OTOG: variants seen among roughly 807,000 people sequenced by gnomAD.
OTOG encodes otogelin.
OTOG carries 296 observed loss-of-function variants against 313.8 expected under a neutral mutation model. The ratio of observed to expected loss-of-function variants is 0.94; its 90% CI spans 0.86 to 1.04. OTOG has a LOEUF of 1.04. OTOG is among the 50% of genes least tolerant of loss of function. OTOG has a pLI of 0.00. For synonymous variants in OTOG, 1,533 were observed against 1,554.9 expected (o/e 0.99, Z 0.33); for missense variants, 3,948 against 3,840.1 (o/e 1.03, Z -0.74).
chr11:17,555,741 C>T, intron 6 of OTOG, 38 bp from the exon 7 acceptor site: 1 of 1,505,308 alleles, frequency 6.6e-7, no homozygotes, highest in East Asian at 2.5e-5. Flanking sequence ...AGGCCTGTGG[C>T]AGGAGCCTGC....
At position 17,642,265 on chromosome 11, in the gene OTOG, A is replaced by G; in HGVS notation, c.8415+19A>G. ...TGCCAAGGTCAGTGCCTCCTTCTCCACTGAGGCTGTAGGCCAGGGGCATCA... is the reference window on the plus strand; with the variant it reads ...TGCCAAGGTCAGTGCCTCCTTCTCCGCTGAGGCTGTAGGCCAGGGGCATCA... On this transcript the variant is annotated intron_variant, in intron 53 of 55. Coordinates refer to ENST00000399397, the MANE Select transcript of OTOG (RefSeq NM_001292063.2). 6.5e-7 allele frequency: 1 copy of G among 1,542,666 alleles called. No homozygotes were observed. The highest frequency in any genetic ancestry group is 8.8e-7 in the Non-Finnish European group (1 of 1,142,160).
In OTOG at chr11:17,593,535, G is replaced by C; in HGVS notation, c.3142-75G>C. ...GAGGGAGGCAGAGGCATTGGTGAGG[G>C]CCTGGCTGCAGGCATAGCTGACCTG... On this transcript the variant is annotated intron_variant, in intron 26 of 55. Transcript: ENST00000399397. 4 of 1,523,724 alleles carry C rather than the reference G, an allele frequency of 2.6e-6. No homozygotes were observed. In the African/African-American group the frequency reaches 5.5e-5, roughly 21 times the overall value. 94.4% of individuals were successfully genotyped at this position (1,523,724 alleles called of 1,614,324 possible).
intron 42 of OTOG, 112 bp downstream of exon 42, chr11:17,632,338 A>C (rs2133704851): frequency 1.8e-6 from 2 of 1,081,870 alleles, no homozygotes; most frequent in East Asian, 5.6e-5. Context: ...AGCTTTAATC[A>C]TTCATGGATT....
chr11:17,631,450 G>A (rs543832145), intron 40 of OTOG, among the ~76,000 whole-genome samples: 12 of 149,194 alleles, frequency 8.0e-5, no homozygotes, highest in Middle Eastern at 3.4e-3. Context: ...TGCATTTTTC[G>A]GAACCATTAG....
intron 20 of OTOG, among the ~76,000 whole-genome samples, chr11:17,575,452 G>T (rs1852502594): frequency 6.6e-6 from 1 of 152,178 alleles, no homozygotes; most frequent in South Asian, 2.1e-4. Context: ...CGGAGGTGAG[G>T]TCTGAGCAGA....
In OTOG at chr11:17,569,334, T is replaced by C. The variant is rs1366773100; in HGVS notation, c.1777+46T>C. ...CAGACCTAGTTGGGAACTGAGGGTT[T>C]GGACCTCTCTTCCCAGGATCCTCTG... On this transcript the variant is annotated intron_variant, in intron 16 of 55. Coordinates refer to ENST00000399397, the MANE Select transcript of OTOG (RefSeq NM_001292063.2). 14 of 1,547,046 alleles carry C rather than the reference T, an allele frequency of 9.0e-6. No homozygotes were observed. In the Admixed American group the frequency reaches 2.7e-4, roughly 30 times the overall value.
At chr11:17,601,146 T>C (rs1853239223) in intron 31 of OTOG, among the ~76,000 whole-genome samples, 1 of 152,208 alleles carries the variant, frequency 6.6e-6, no homozygotes, top group African/African-American at 2.4e-5. Flanking sequence ...CCAGCACTGC[T>C]TGTCTCCCAT....
intron 39 of OTOG, among the ~76,000 whole-genome samples, chr11:17,616,810 C>G (rs1425383547): frequency 6.6e-6 from 1 of 152,162 alleles, no homozygotes; most frequent in Non-Finnish European, 1.5e-5. Context: ...CAAACAGAGA[C>G]AGTTTTATTT....
intron 20 of OTOG, among the ~76,000 whole-genome samples, chr11:17,575,522 T>C (rs1441047636): frequency 2.6e-5 from 4 of 152,168 alleles, no homozygotes; most frequent in Non-Finnish European, 4.4e-5. Context: ...GCCCAGCTTG[T>C]TCTCAGTGTA....
chr11:17,596,850 G>A lies in OTOG; in HGVS notation c.3526-1G>A, dbSNP rs941856550. On this transcript the variant is annotated splice_acceptor_variant, in intron 29 of 55. Transcript: ENST00000399397. LOFTEE classifies it high-confidence loss of function. ...GACCTCTAACTTCTGACCTTCTCCAGGTTGATGTCACTTGGTTTTACTCAA... is the reference window on the plus strand; with the variant it reads ...GACCTCTAACTTCTGACCTTCTCCAAGTTGATGTCACTTGGTTTTACTCAA... 1.9e-6 allele frequency: 3 copies of A among 1,551,020 alleles called. No individual in the cohort carries two copies. Among genetic ancestry groups the A allele is most frequent in the Middle Eastern group, 1.7e-4 (1 of 5,992 alleles).
rs981754798 is a variant in OTOG at position 17,634,949 on chromosome 11, G to C, written c.7585+1G>C. The C allele has an allele frequency of 3.4e-6, 5 of 1,466,300 alleles. No homozygotes were observed. In the African/African-American group the frequency reaches 7.0e-5, roughly 21 times the overall value. The allele number at this position is 1,466,300 out of a possible 1,614,324, so 90.8% of individuals were successfully genotyped here. A position where few individuals can be genotyped will look rare whatever the true frequency, so the allele number is the denominator to read the frequency against. On this transcript the variant is annotated splice_donor_variant, in intron 45 of 55. Transcript: ENST00000399397. LOFTEE classifies it high-confidence loss of function. ...TCCTGCTGCCCCAGCTACAGCTGTG[G>C]TGAGAGGCCCGGGGTGGGGAGGGTG...
intron 15 of OTOG, among the ~76,000 whole-genome samples, chr11:17,563,775 G>A (rs1403975674): frequency 6.6e-6 from 1 of 151,546 alleles, no homozygotes; most frequent in Non-Finnish European, 1.5e-5. Flanking sequence ...CAACCTCCCA[G>A]GCTCAGTCGC....
At chr11:17,604,457 G>C (rs1853332734) in intron 32 of OTOG, among the ~76,000 whole-genome samples, 1 of 152,216 alleles carries the variant, frequency 6.6e-6, no homozygotes, top group Non-Finnish European at 1.5e-5. Context: ...CATCCCATGG[G>C]TGGGGCCAGC....
rs1293279569 is a variant in OTOG at position 17,635,195 on chromosome 11, G to A, written c.7693+8G>A. The A allele has an allele frequency of 3.8e-5, 58 of 1,534,492 alleles. No individual in the cohort carries two copies. The East Asian group carries it at 1.1e-3, about 28-fold the overall frequency. ...GCACCTCCTACTTCTGCGGTGGGTC[G>A]CCGCCACCAGACGCCAGCGCACACA... is the stretch of plus-strand genomic sequence containing the variant. On this transcript the variant is annotated splice_region_variant and intron_variant, in intron 46 of 55. Transcript: ENST00000399397.
In OTOG at chr11:17,553,419, A is replaced by C; in HGVS notation, c.440A>C (p.His147Pro). Residue 147 changes from histidine (H) to proline (P), a missense_variant, in exon 6 of 56, where the codon CAC becomes CCC. Coordinates refer to ENST00000399397, the MANE Select transcript of OTOG (RefSeq NM_001292063.2). ...ATTTGCCGGGCGTGGGGGCAGCACC[A>C]CGTGGAGACATTTGATGGGCTCTAC... ...DSICRAWGQH[H>P]VETFDGLYYY... The C allele has an allele frequency of 6.8e-7, 1 of 1,473,164 alleles. No individual in the cohort carries two copies. The highest frequency in any genetic ancestry group is 9.0e-7 in the Non-Finnish European group (1 of 1,109,702). The allele number at this position is 1,473,164 out of a possible 1,614,324, so 91.3% of individuals were successfully genotyped here.
rs11820576 is a variant in OTOG at position 17,595,921 on chromosome 11, A to G, written c.3409-117A>G. ...TACACTCAAGGGGAGGAGATTTTAC[A>G]AGGACCTGAATATCAGGGGGCAAGG... On this transcript the variant is annotated intron_variant, in intron 28 of 55. Transcript: ENST00000399397. 6,358 of 718,678 alleles carry G rather than the reference A, an allele frequency of 8.8e-3. 286 individuals carry two copies. The African/African-American group carries it at 0.099, about 11-fold the overall frequency. The allele number at this position is 718,678 out of a possible 1,614,324, so 44.5% of individuals were successfully genotyped here.
Position 17,576,555 on chromosome 11 carries a change from G to C in OTOG, c.2487-1G>C, listed in dbSNP as rs1240700607. On this transcript the variant is annotated splice_acceptor_variant, in intron 20 of 55. Coordinates refer to ENST00000399397, the MANE Select transcript of OTOG (RefSeq NM_001292063.2). LOFTEE classifies it high-confidence loss of function. ...CTTTCTTTGCTCCCATTTTTTTATA[G>C]GAACCAGTGCTCCTGCCACTTCCAG... 1 of 1,549,986 alleles carries C rather than the reference G, an allele frequency of 6.5e-7. No homozygotes were observed. The highest frequency in any genetic ancestry group is 2.4e-5 in the East Asian group (1 of 40,914).
At chr11:17,617,266 T>C (rs1853744171) in intron 39 of OTOG, among the ~76,000 whole-genome samples, 1 of 152,224 alleles carries the variant, frequency 6.6e-6, no homozygotes, top group Non-Finnish European at 1.5e-5. Flanking sequence ...GTCTAAATTT[T>C]CTTTTCTTGT....
In OTOG at chr11:17,553,741, T is replaced by G. The variant is rs544407531; in HGVS notation, c.540+222T>G. Among the ~76,000 whole-genome samples, 6 of 152,360 alleles carry G rather than the reference T, an allele frequency of 3.9e-5. No homozygotes were observed. The South Asian group carries it at 1.0e-3, about 26-fold the overall frequency. On this transcript the variant is annotated intron_variant, in intron 6 of 55. Transcript: ENST00000399397. ...ATTCATTTATTGAGCCACTCATTCA[T>G]CAAGTATTTACTAAGTGCATACTGT...
Sources: gnomAD v4.1 joint callset for allele counts (sites outside exome capture counted in the v4.1 genomes callset) on GRCh38, gnomAD v4.1.1 for gene constraint, MANE v1.5 for transcripts, NCBI Gene and HGNC (gene_info 2026-07-23, HGNC 2026-07-21) for gene names.